UFL1: variants seen among roughly 807,000 people sequenced by gnomAD.
UFL1 encodes UFM1 specific ligase 1.
In UFL1, 78 loss-of-function variants were observed where a neutral mutation model predicts 99.3. That is an observed-to-expected ratio of 0.79 (90% CI 0.65 to 0.95). The LOEUF is 0.95. UFL1 is among the 40% of genes least tolerant of loss of function. The pLI, the probability that UFL1 is intolerant of heterozygous loss-of-function variation, is 0.00. For missense variants in UFL1, 936 were observed against 937.0 expected (o/e 1.00, Z 0.01); for synonymous variants, 335 against 322.2 (o/e 1.04, Z -0.42).
intron 17 of UFL1, among the ~76,000 whole-genome samples, chr6:96,552,143 T>C (rs1474181485): frequency 6.6e-6 from 1 of 152,100 alleles, no homozygotes; most frequent in East Asian, 1.9e-4. Flanking sequence ...CTTTATCCTA[T>C]AGTTCATCAA....
At chr6:96,531,648 C>G (rs1187417178) in intron 6 of UFL1, among the ~76,000 whole-genome samples, 1 of 152,148 alleles carries the variant, frequency 6.6e-6, no homozygotes, top group African/African-American at 2.4e-5. Flanking sequence ...AGTTTTGTAA[C>G]TTTTTTGTAC....
intron 9 of UFL1, among the ~76,000 whole-genome samples, chr6:96,538,074 C>CT (rs138077743): frequency 0.013 from 1,983 of 151,826 alleles, 49 homozygotes; most frequent in African/African-American, 0.045. Context: ...CAGAAATTCT[C>CT]TGTTTTGGAT....
chr6:96,542,109 G>A (rs779210710), intron 11 of UFL1, among the ~76,000 whole-genome samples: 25 of 151,132 alleles, frequency 1.7e-4, no homozygotes, highest in African/African-American at 5.3e-4. Flanking sequence ...GTTTAAACCC[G>A]TTATCAGTAT....
chr6:96,526,527 C>A, intron 5 of UFL1, 92 bp downstream of exon 5: 1 of 976,120 alleles, frequency 1.0e-6, no homozygotes, highest in Non-Finnish European at 1.6e-6. Context: ...AATGAGACTT[C>A]CTCACCATCA....
intron 7 of UFL1, among the ~76,000 whole-genome samples, chr6:96,534,974 T>G (rs1000220834): frequency 1.3e-5 from 2 of 151,972 alleles, no homozygotes; most frequent in East Asian, 3.9e-4. Flanking sequence ...ATATGAACTT[T>G]AAAATTTTTG....
chr6:96,537,362 A>T lies in UFL1; in HGVS notation c.803-12A>T, dbSNP rs777591944. 3 of 1,530,038 alleles carry T rather than the reference A, an allele frequency of 2.0e-6. No homozygotes were observed. In the Middle Eastern group the frequency reaches 5.3e-4, roughly 270 times the overall value. 94.8% of individuals were successfully genotyped at this position (1,530,038 alleles called of 1,614,324 possible). On this transcript the variant is annotated splice_polypyrimidine_tract_variant and intron_variant, in intron 8 of 18. Transcript: ENST00000369278. The stretch of plus-strand genomic sequence containing the variant: ...TTGACAATTCTAATCCAACTTTGTG[A>T]TATATTTGTAGAATTTGATGCTTTG...
intron 11 of UFL1, among the ~76,000 whole-genome samples, chr6:96,542,320 C>T (rs1369317673): frequency 2.0e-5 from 3 of 151,264 alleles, no homozygotes; most frequent in East Asian, 1.9e-4. Context: ...TGTTATGTTT[C>T]ACGCATTTCT....
At chr6:96,537,172 T>C (rs1335926502) in intron 8 of UFL1, among the ~76,000 whole-genome samples, 2 of 151,826 alleles carry the variant, frequency 1.3e-5, no homozygotes, top group Non-Finnish European at 2.9e-5. Context: ...GTTGTACTTT[T>C]CAGTTTCTTC....
At position 96,521,899 on chromosome 6, in the gene UFL1, G is replaced by C. The variant is rs755427839; in HGVS notation, c.26G>C (p.Arg9Thr). 5 of 1,612,522 alleles carry C rather than the reference G, an allele frequency of 3.1e-6. No individual in the cohort carries two copies. The highest frequency in any genetic ancestry group is 4.2e-6 in the Non-Finnish European group (5 of 1,179,632). ...ATGGCGGACGCCTGGGAAGAGATTA[G>C]GCGGTTGGCGGCCGACTTCCAGCGG... MADAWEEI[R>T]RLAADFQRAQ... is the part of the protein sequence containing the mutation. Residue 9 changes from arginine (R) to threonine (T), a missense_variant, in exon 1 of 19, where the codon AGG becomes ACG. Arg to Thr is a moderately conservative substitution (Grantham distance 71). Coordinates refer to ENST00000369278, the MANE Select transcript of UFL1 (RefSeq NM_015323.5).
intron 15 of UFL1, 66 bp from the exon 16 acceptor site, chr6:96,551,367 A>C: frequency 1.2e-6 from 1 of 844,762 alleles, no homozygotes; most frequent in Non-Finnish European, 1.9e-6. Context: ...TATTTTTTTC[A>C]CTTTATCTTA....
chr6:96,542,812 TAA>T (rs1349897454), intron 11 of UFL1, 80 bp from the exon 12 acceptor site: 1 of 1,295,182 alleles, frequency 7.7e-7, no homozygotes, highest in Non-Finnish European at 1.0e-6. Context: ...GCTGTAAAGT[TAA>T]ATACAACAAT....
In UFL1 at chr6:96,545,513, C is replaced by T. The variant is rs1054929746; in HGVS notation, c.1402+2497C>T. On this transcript the variant is annotated intron_variant, in intron 12 of 18. Coordinates refer to ENST00000369278, the MANE Select transcript of UFL1 (RefSeq NM_015323.5). ...TCCAAAAGATACATTTTAGCTTAAA[C>T]AATTATTTGAATTGTGATTCACATG... 2.0e-5 allele frequency among the ~76,000 whole-genome samples: 3 copies of T among 150,708 alleles called. No homozygotes were observed. In the East Asian group the frequency reaches 5.9e-4, roughly 29 times the overall value.
At position 96,528,354 on chromosome 6, in the gene UFL1, T is replaced by A. The variant is rs1031801823; in HGVS notation, c.466-148T>A. On this transcript the variant is annotated intron_variant, in intron 5 of 18. Coordinates refer to ENST00000369278, the MANE Select transcript of UFL1 (RefSeq NM_015323.5). ...CTAGACACTGAATCTTCACTTTAGT[T>A]GATATATCTTGTAATCTATGCTTGT... 3.3e-6 allele frequency: 3 copies of A among 913,460 alleles called. No homozygotes were observed. The African/African-American group carries it at 5.1e-5, about 15-fold the overall frequency. The allele number at this position is 913,460 out of a possible 1,614,324, so 56.6% of individuals were successfully genotyped here.
At chr6:96,524,662 T>G (rs985082300) in intron 3 of UFL1, among the ~76,000 whole-genome samples, 1 of 152,182 alleles carries the variant, frequency 6.6e-6, no homozygotes, top group African/African-American at 2.4e-5. Context: ...CTTCCCTAGT[T>G]GGCTTTCTTA....
chr6:96,536,125 A>G (rs1301054617), intron 7 of UFL1, 119 bp from the exon 8 acceptor site: 2 of 978,042 alleles, frequency 2.0e-6, no homozygotes, highest in African/African-American at 3.3e-5. Context: ...ATGCTATTTC[A>G]ACTTCAGATT....
rs1267027339 is a variant in UFL1, at chr6:96,554,564, A to G, written c.*1061A>G. 1.3e-5 allele frequency: 2 copies of G among 151,942 alleles called. No homozygotes were observed. Among genetic ancestry groups the G allele is most frequent in the African/African-American group, 4.8e-5 (2 of 41,434 alleles). 9.4% of individuals were successfully genotyped at this position (151,942 alleles called of 1,614,324 possible). ...CAACAACTTACTTACTATTTATCAA[A>G]AAGGGATTTAATTATTTTGAATATA... On this transcript the variant is annotated 3_prime_UTR_variant, in exon 19 of 19. Transcript: ENST00000369278.
At position 96,549,483 on chromosome 6, in the gene UFL1, C is replaced by A; in HGVS notation, c.1592C>A (p.Thr531Lys). The A allele has an allele frequency of 6.3e-7, 1 of 1,591,850 alleles. No individual in the cohort carries two copies. The highest frequency in any genetic ancestry group is 2.2e-5 in the East Asian group (1 of 44,756). Residue 531 changes from threonine to lysine, a missense_variant, in exon 14 of 19, where the codon ACG (threonine) becomes AAG (lysine). Transcript: ENST00000369278. The stretch of plus-strand genomic sequence containing the variant: ...TCTTCAACAACTTCTGCTTCTGGGA[C>A]GGGCAGAAAACGCACAATCAAGGAC... The part of the protein sequence containing the change: ...FMSSTTSASG[T>K]GRKRTIKDLQ...
Position 96,537,467 on chromosome 6 carries a change from CTTG to C in UFL1, c.898_900del (p.Cys300del). 6.2e-7 allele frequency: 1 copy of C among 1,610,340 alleles called. No homozygotes were observed. The highest frequency in any genetic ancestry group is 8.5e-7 in the Non-Finnish European group (1 of 1,178,026). ...ACACAACTCTTGTTTTTGAAAGCAGCTTGTGTTGGTCAAGGACTTGTGGATCAA... is the reference window on the plus strand; with the variant it reads ...ACACAACTCTTGTTTTTGAAAGCAGCTGTTGGTCAAGGACTTGTGGATCAA... On this transcript the variant is annotated inframe_deletion, in exon 9 of 19. Coordinates refer to ENST00000369278, the MANE Select transcript of UFL1 (RefSeq NM_015323.5).
At position 96,553,207 on chromosome 6, in the gene UFL1, T is replaced by A; in HGVS notation, c.2167-78T>A. ...TAAAGATGAGGACCTTCAATGTGTA[T>A]TAGTTGAAGAAATTCTACTTTATCT... On this transcript the variant is annotated intron_variant, in intron 18 of 18. Transcript: ENST00000369278. The A allele has an allele frequency of 5.2e-6, 7 of 1,342,368 alleles. No individual in the cohort carries two copies. In the Middle Eastern group the frequency reaches 5.7e-4, roughly 109 times the overall value. The allele number at this position is 1,342,368 out of a possible 1,614,324, so 83.2% of individuals were successfully genotyped here. A position where few individuals can be genotyped will look rare whatever the true frequency, so the allele number is the denominator to read the frequency against.
Sources: gnomAD v4.1 joint callset for allele counts (sites outside exome capture counted in the v4.1 genomes callset) on GRCh38, gnomAD v4.1.1 for gene constraint, MANE v1.5 for transcripts, NCBI Gene and HGNC (gene_info 2026-07-23, HGNC 2026-07-21) for gene names.